ETV6: variants seen among roughly 807,000 people sequenced by gnomAD.
ETV6 encodes the protein ETS variant transcription factor 6, also known as transcription factor ETV6.
Under a neutral mutation model 51.1 loss-of-function variants are expected in ETV6, and 16 were observed. The observed-to-expected ratio is 0.31, with a 90% confidence interval of 0.21 to 0.48. ETV6 has a LOEUF of 0.48. Among genes scored for constraint, ETV6 ranks in the 20% least tolerant of loss-of-function variants. The probability of loss-of-function intolerance (pLI) is 0.99; values close to 1 mark genes in which losing one functional copy is unlikely to be tolerated. For synonymous variants in ETV6, 240 were observed against 224.1 expected (o/e 1.07, Z -0.64); for missense variants, 458 against 594.8 (o/e 0.77, Z 2.39).
At chr12:11,687,625 AAGTAC>A (rs1864661901) in intron 1 of ETV6, among the ~76,000 whole-genome samples, 1 of 152,244 alleles carries the variant, frequency 6.6e-6, no homozygotes, top group Non-Finnish European at 1.5e-5. Flanking sequence ...AATGCTTAAT[AAGTAC>A]AGTATTGTGC....
At chr12:11,852,906 G>C (rs1359434391) in intron 3 of ETV6, among the ~76,000 whole-genome samples, 1 of 152,116 alleles carries the variant, frequency 6.6e-6, no homozygotes, top group Non-Finnish European at 1.5e-5. Context: ...CATTTTTGGG[G>C]CCGTGCACGG....
intron 1 of ETV6, among the ~76,000 whole-genome samples, chr12:11,712,141 TCTTA>T (rs1366580541): frequency 1.3e-5 from 2 of 152,146 alleles, no homozygotes; most frequent in Admixed American, 6.5e-5. Context: ...CACCCCCCCA[TCTTA>T]CTTTTTAGCA....
At chr12:11,759,870 G>A (rs1945059460) in intron 2 of ETV6, among the ~76,000 whole-genome samples, 1 of 152,186 alleles carries the variant, frequency 6.6e-6, no homozygotes, top group Admixed American at 6.5e-5. Context: ...CAGTTTCCAT[G>A]CTCAAATAAC....
chr12:11,726,640 C>T (rs1242878119), intron 1 of ETV6, among the ~76,000 whole-genome samples: 1 of 152,046 alleles, frequency 6.6e-6, no homozygotes, highest in African/African-American at 2.4e-5. Context: ...AGCTGTGGGG[C>T]ATGCCTAGAG....
chr12:11,775,462 T>A (rs561231259), intron 2 of ETV6, among the ~76,000 whole-genome samples: 6 of 152,340 alleles, frequency 3.9e-5, no homozygotes, highest in African/African-American at 1.4e-4. Flanking sequence ...CATTAAAATG[T>A]CTTTAGGGTA....
At chr12:11,696,026 G>GAA (rs58263882) in intron 1 of ETV6, among the ~76,000 whole-genome samples, 6 of 146,252 alleles carry the variant, frequency 4.1e-5, no homozygotes, top group African/African-American at 1.5e-4. Context: ...TAGGTGTAGG[G>GAA]AAAAAAAAAA....
chr12:11,650,481 T>TAAAAAAAAAACCAAAA (rs1863875073), intron 1 of ETV6, among the ~76,000 whole-genome samples: 1 of 43,340 alleles, frequency 2.3e-5, no homozygotes, highest in African/African-American at 8.5e-5. Context: ...TTAGTGCGCT[T>TAAAAAAAAAACCAAAA]AAAAAAAAAA....
intron 1 of ETV6, among the ~76,000 whole-genome samples, chr12:11,694,330 G>A (rs1180249024): frequency 6.6e-6 from 1 of 152,048 alleles, no homozygotes; most frequent in Non-Finnish European, 1.5e-5. Flanking sequence ...TTAGTATAAG[G>A]GCTATGTAAG....
intron 3 of ETV6, among the ~76,000 whole-genome samples, chr12:11,849,917 C>T (rs973880226): frequency 2.0e-5 from 3 of 152,152 alleles, no homozygotes; most frequent in East Asian, 1.9e-4. Context: ...GGTCCCCGTC[C>T]GCATGGTGGT....
intron 1 of ETV6, among the ~76,000 whole-genome samples, chr12:11,692,746 A>G (rs1190148162): frequency 6.6e-6 from 1 of 152,166 alleles, no homozygotes; most frequent in African/African-American, 2.4e-5. Context: ...CAGTATGCAA[A>G]CTAAGATTTA....
intron 2 of ETV6, among the ~76,000 whole-genome samples, chr12:11,760,753 C>G (rs1377348635): frequency 1.3e-5 from 2 of 151,998 alleles, no homozygotes; most frequent in Non-Finnish European, 2.9e-5. Flanking sequence ...CTCACAGGAG[C>G]CTGTGTTTCT....
chr12:11,809,487 T>G (rs1054213887), intron 2 of ETV6, among the ~76,000 whole-genome samples: 4 of 152,212 alleles, frequency 2.6e-5, no homozygotes, highest in Non-Finnish European at 5.9e-5. Flanking sequence ...AATGGATCAT[T>G]TGCAAAACAT....
chr12:11,842,063 C>CAG (rs1318958037), intron 3 of ETV6, among the ~76,000 whole-genome samples: 1 of 129,290 alleles, frequency 7.7e-6, no homozygotes, highest in Non-Finnish European at 1.6e-5. Context: ...GCCTGGGCGA[C>CAG]AGAGCGAGAC....
intron 2 of ETV6, among the ~76,000 whole-genome samples, chr12:11,821,382 A>G (rs1269059805): frequency 6.6e-6 from 1 of 152,004 alleles, no homozygotes; most frequent in African/African-American, 2.4e-5. Context: ...ATAAAGAAAG[A>G]AAGAAGAAAC....
intron 1 of ETV6, among the ~76,000 whole-genome samples, chr12:11,675,822 A>AAAGG (rs1864412204): frequency 6.6e-6 from 1 of 152,120 alleles, no homozygotes; most frequent in South Asian, 2.1e-4. Context: ...CTCTAAACAA[A>AAAGG]AAGGAAGGAA....
chr12:11,874,621 CAT>C (rs777804070), intron 5 of ETV6, among the ~76,000 whole-genome samples: 2,994 of 8,808 alleles, frequency 0.34, 1,160 homozygotes, highest in Non-Finnish European at 0.68. Context: ...TGTGTACACA[CAT>C]ATGTGTATGT....
At chr12:11,671,415 A>G (rs1864311644) in intron 1 of ETV6, among the ~76,000 whole-genome samples, 1 of 152,196 alleles carries the variant, frequency 6.6e-6, no homozygotes. Context: ...TGTGATGTTC[A>G]GTAGATCAGT....
intron 2 of ETV6, among the ~76,000 whole-genome samples, chr12:11,801,678 A>C (rs1453594965): frequency 6.6e-6 from 1 of 150,384 alleles, no homozygotes; most frequent in Non-Finnish European, 1.5e-5. Flanking sequence ...TTTAATCATT[A>C]CAGTGTTCCT....
chr12:11,669,356 G>GTCCTCCCT (rs796691649), intron 1 of ETV6, among the ~76,000 whole-genome samples: 88,812 of 116,844 alleles, frequency 0.76, 35,016 homozygotes, highest in Non-Finnish European at 0.86. Flanking sequence ...CCGTCCTCCT[G>GTCCTCCCT]TCCTCCCTTC....
Sources: gnomAD v4.1 joint callset for allele counts (sites outside exome capture counted in the v4.1 genomes callset) on GRCh38, gnomAD v4.1.1 for gene constraint, MANE v1.5 for transcripts, NCBI Gene and HGNC (gene_info 2026-07-23, HGNC 2026-07-21) for gene names.